Variants in SUPT3H observed in about 807,000 individuals in gnomAD.
SUPT3H encodes SPT3 homolog, SAGA and STAGA complex component, also known as transcription initiation protein SPT3 homolog.
Under a neutral mutation model 44.3 loss-of-function variants are expected in SUPT3H, and 44 were observed. The ratio of observed to expected loss-of-function variants is 0.99; its 90% confidence interval spans 0.78 to 1.28. The LOEUF (loss-of-function observed/expected upper bound fraction) is 1.28, where lower values mean the gene tolerates loss of function less well. Among genes scored for constraint, SUPT3H ranks in the 50% most tolerant of loss-of-function variants. The probability of loss-of-function intolerance (pLI) is 0.00; values close to 1 mark genes in which losing one functional copy is unlikely to be tolerated. For missense variants in SUPT3H, 380 were observed against 387.1 expected (o/e 0.98, Z 0.15); for synonymous variants, 124 against 125.6 (o/e 0.99, Z 0.09).
chr6:44,885,404 C>T (rs910016005), intron 10 of SUPT3H, among the ~76,000 whole-genome samples: 2 of 152,156 alleles, frequency 1.3e-5, no homozygotes, highest in African/African-American at 2.4e-5. Context: ...TCCGGGTACT[C>T]CTCTGAGACA....
chr6:44,930,003 T>A (rs1228213026), intron 10 of SUPT3H, among the ~76,000 whole-genome samples: 1 of 152,090 alleles, frequency 6.6e-6, no homozygotes, highest in East Asian at 1.9e-4. Context: ...ATCCCAGCAC[T>A]TTGCGAGGCC....
chr6:44,980,999 A>C (rs1191017064), intron 6 of SUPT3H, among the ~76,000 whole-genome samples: 2 of 152,186 alleles, frequency 1.3e-5, no homozygotes, highest in Non-Finnish European at 2.9e-5. Flanking sequence ...GGCAAGTGAC[A>C]GGAAAAGGGG....
At chr6:45,247,614 T>C (rs989076572) in intron 2 of SUPT3H, among the ~76,000 whole-genome samples, 8 of 152,006 alleles carry the variant, frequency 5.3e-5, no homozygotes, top group Admixed American at 5.2e-4. Flanking sequence ...GTGTTCTTTG[T>C]GCCTACCACT....
chr6:45,059,036 G>C (rs967694008), intron 3 of SUPT3H, among the ~76,000 whole-genome samples: 1 of 152,040 alleles, frequency 6.6e-6, no homozygotes, highest in Non-Finnish European at 1.5e-5. Flanking sequence ...GCATCAGGAG[G>C]ATAAGATCTG....
intron 2 of SUPT3H, among the ~76,000 whole-genome samples, chr6:45,162,754 T>A (rs1173561179): frequency 1.3e-5 from 2 of 152,080 alleles, no homozygotes; most frequent in African/African-American, 4.8e-5. Context: ...TTTCTAAGAG[T>A]AACGATGCTT....
At chr6:45,086,196 A>G (rs1021742140) in intron 3 of SUPT3H, among the ~76,000 whole-genome samples, 3 of 152,052 alleles carry the variant, frequency 2.0e-5, no homozygotes, top group African/African-American at 7.2e-5. Flanking sequence ...AATAAAATGA[A>G]CAAATTTCAT....
chr6:45,370,373 C>A (rs1280456410), intron 1 of SUPT3H, among the ~76,000 whole-genome samples: 5 of 151,738 alleles, frequency 3.3e-5, no homozygotes, highest in Non-Finnish European at 7.4e-5. Context: ...TTACTGAGAT[C>A]CAGAAGACTG....
At chr6:45,333,964 C>T (rs77600998) in intron 2 of SUPT3H, among the ~76,000 whole-genome samples, 5 of 151,280 alleles carry the variant, frequency 3.3e-5, no homozygotes, top group African/African-American at 7.2e-5. Context: ...TATATACATA[C>T]GCAATTTCGA....
chr6:45,328,282 A>G (rs762474209), intron 2 of SUPT3H: 1 of 1,364,574 alleles, frequency 7.3e-7, no homozygotes, highest in Non-Finnish European at 9.8e-7. Context: ...TGCTTGCAAA[A>G]AAAAGGAGTT....
At chr6:44,998,453 G>T (rs1304990970) in intron 6 of SUPT3H, among the ~76,000 whole-genome samples, 1 of 151,798 alleles carries the variant, frequency 6.6e-6, no homozygotes, top group Non-Finnish European at 1.5e-5. Context: ...CTAATTTTTA[G>T]TATTGATTGG....
intron 2 of SUPT3H, among the ~76,000 whole-genome samples, chr6:45,194,890 C>CT (rs1450280622): frequency 2.0e-5 from 3 of 152,078 alleles, no homozygotes; most frequent in Admixed American, 6.6e-5. Context: ...GACTACTATA[C>CT]TTTAGACAAA....
rs527558381 is a variant in SUPT3H, at chr6:44,905,043, G to T, written c.912+27610C>A. On this transcript the variant is annotated intron_variant, in intron 10 of 10. Coordinates refer to ENST00000371459, the MANE Select transcript of SUPT3H (RefSeq NM_003599.4). ...TTCAAGATGGATTAAAGACTTAAACGTTAGACCTAAAACCATAAAAACCCT... is the reference window on the plus strand; with the variant it reads ...TTCAAGATGGATTAAAGACTTAAACTTTAGACCTAAAACCATAAAAACCCT... Among the ~76,000 whole-genome samples, 289 of 152,100 alleles carry T rather than the reference G, an allele frequency of 1.9e-3. 2 individuals are homozygous for T. The highest frequency in any genetic ancestry group is 6.6e-3 in the African/African-American group (274 of 41,504).
intron 2 of SUPT3H, among the ~76,000 whole-genome samples, chr6:45,282,052 A>C (rs2078625986): frequency 6.6e-6 from 1 of 152,234 alleles, no homozygotes; most frequent in South Asian, 2.1e-4. Flanking sequence ...GAAAACTAAC[A>C]AACAGAAAGG....
chr6:45,192,460 TTTTAA>T (rs540916692), intron 2 of SUPT3H, among the ~76,000 whole-genome samples: 28 of 152,290 alleles, frequency 1.8e-4, no homozygotes, highest in African/African-American at 6.0e-4. Flanking sequence ...AAAAAATACA[TTTTAA>T]TTTATTTCAG....
rs574970281 is a variant in SUPT3H, at chr6:45,240,544, T to C, written c.101+124657A>G. On this transcript the variant is annotated intron_variant, in intron 2 of 10. Coordinates refer to ENST00000371459, the MANE Select transcript of SUPT3H (RefSeq NM_003599.4). Reference sequence around the variant, plus strand: ...ACCTATCTGTAAACAGAATTGGACCTGGCCAGAAATAATGAACTTACTTGT... The same window carrying C: ...ACCTATCTGTAAACAGAATTGGACCCGGCCAGAAATAATGAACTTACTTGT... Among the ~76,000 whole-genome samples the C allele has an allele frequency of 5.3e-5, 8 of 152,326 alleles. No homozygotes were observed. In the South Asian group the frequency reaches 1.7e-3, roughly 32 times the overall value.
intron 2 of SUPT3H, among the ~76,000 whole-genome samples, chr6:45,257,154 A>C (rs2153655730): frequency 6.6e-6 from 1 of 152,244 alleles, no homozygotes; most frequent in East Asian, 1.9e-4. Flanking sequence ...GTATCTCATT[A>C]AGGTTTTGAT....
chr6:45,158,300 T>TATATATATATATATA (rs1562573429), intron 2 of SUPT3H, among the ~76,000 whole-genome samples: 2 of 63,720 alleles, frequency 3.1e-5, no homozygotes, highest in African/African-American at 1.3e-4. Flanking sequence ...ATATATATAT[T>TATATATATATATATA]TTTTTTTTTT....
At chr6:45,030,066 CTT>C (rs1177179111) in intron 3 of SUPT3H, among the ~76,000 whole-genome samples, 1 of 151,038 alleles carries the variant, frequency 6.6e-6, no homozygotes, top group East Asian at 1.9e-4. Context: ...CACACAGCCT[CTT>C]TAAAATTTAA....
At chr6:45,296,370 T>G (rs1006037514) in intron 2 of SUPT3H, among the ~76,000 whole-genome samples, 1 of 151,656 alleles carries the variant, frequency 6.6e-6, no homozygotes, top group Non-Finnish European at 1.5e-5. Context: ...GCTATGAGAA[T>G]GCAAAGGCAT....
Sources: gnomAD v4.1 joint callset for allele counts (sites outside exome capture counted in the v4.1 genomes callset) on GRCh38, gnomAD v4.1.1 for gene constraint, MANE v1.5 for transcripts, NCBI Gene and HGNC (gene_info 2026-07-23, HGNC 2026-07-21) for gene names.